The following DLGAP2 variants were observed in gnomAD, a reference collection of about 807,000 sequenced individuals.
DLGAP2 encodes the protein DLG associated protein 2.
A neutral mutation model predicts 100.3 loss-of-function variants in DLGAP2; 26 were observed. The ratio of observed to expected loss-of-function variants is 0.26; its 90% CI spans 0.19 to 0.36. The LOEUF is 0.36. DLGAP2 is among the 10% of genes least tolerant of loss of function. DLGAP2 has a pLI of 1.00. For synonymous variants in DLGAP2, 886 were observed against 630.1 expected (o/e 1.41, Z -6.08); for missense variants, 1,858 against 1,453.2 (o/e 1.28, Z -4.53).
chr8:1,466,241 C>T (rs1798621956), intron 3 of DLGAP2, among the ~76,000 whole-genome samples: 1 of 152,090 alleles, frequency 6.6e-6, no homozygotes, highest in South Asian at 2.1e-4. Flanking sequence ...ACAGAGTGGG[C>T]TTTGCTTTTT....
chr8:1,473,845 C>T (rs994132506), intron 3 of DLGAP2, among the ~76,000 whole-genome samples: 17 of 152,150 alleles, frequency 1.1e-4, no homozygotes, highest in African/African-American at 3.1e-4. Flanking sequence ...TCTTGTCTGC[C>T]ACCATGTAAG....
intron 8 of DLGAP2, among the ~76,000 whole-genome samples, chr8:1,634,580 T>G (rs575823104): frequency 1.3e-5 from 2 of 152,298 alleles, no homozygotes; most frequent in East Asian, 3.9e-4. Context: ...TTGAACAAAT[T>G]AGAATCAGGG....
At chr8:1,039,043 GTTTTCAGCCCCACTTTCCTCC>G (rs1433546382) in intron 2 of DLGAP2, among the ~76,000 whole-genome samples, 1 of 152,182 alleles carries the variant, frequency 6.6e-6, no homozygotes, top group Non-Finnish European at 1.5e-5. Flanking sequence ...CGGAAACTTA[GTTTTCAGCCCCACTTTCCTCC>G]TTTATAAAAT....
At chr8:1,184,363 C>T (rs1249662454) in intron 2 of DLGAP2, among the ~76,000 whole-genome samples, 2 of 152,214 alleles carry the variant, frequency 1.3e-5, no homozygotes, top group African/African-American at 4.8e-5. Flanking sequence ...GTGGGCGCTT[C>T]TGGGGAGCGG....
intron 6 of DLGAP2, among the ~76,000 whole-genome samples, chr8:1,619,390 TGA>T (rs1797257295): frequency 1.3e-5 from 2 of 152,366 alleles, no homozygotes; most frequent in South Asian, 4.1e-4. Context: ...GTCCTACAAG[TGA>T]GACCTGTGCC....
chr8:1,107,186 C>A (rs1026916144), intron 2 of DLGAP2, among the ~76,000 whole-genome samples: 1 of 152,220 alleles, frequency 6.6e-6, no homozygotes, highest in South Asian at 2.1e-4. Context: ...AGAGGCTTTG[C>A]AGTGCACTGG....
chr8:890,700 C>G (rs796141975), intron 1 of DLGAP2, among the ~76,000 whole-genome samples: 2 of 152,066 alleles, frequency 1.3e-5, no homozygotes, highest in African/African-American at 2.4e-5. Context: ...TGTCCAGATG[C>G]AGATTCAATG....
At chr8:1,585,937 T>C (rs1796104975) in intron 6 of DLGAP2, among the ~76,000 whole-genome samples, 1 of 152,216 alleles carries the variant, frequency 6.6e-6, no homozygotes, top group African/African-American at 2.4e-5. Flanking sequence ...TTCGTGTGTG[T>C]ATAAAAATAT....
intron 4 of DLGAP2, among the ~76,000 whole-genome samples, chr8:1,512,318 A>G (rs1800194535): frequency 1.3e-5 from 2 of 152,236 alleles, no homozygotes; most frequent in South Asian, 2.1e-4. Context: ...CCTTGACAAC[A>G]TGATCAAAGT....
chr8:1,242,416 G>T (rs905992241), intron 2 of DLGAP2, among the ~76,000 whole-genome samples: 1 of 152,226 alleles, frequency 6.6e-6, no homozygotes, highest in African/African-American at 2.4e-5. Context: ...GGTCAGCAGC[G>T]AAGGGCTTGG....
intron 1 of DLGAP2, among the ~76,000 whole-genome samples, chr8:887,267 T>C (rs1049896852): frequency 2.0e-5 from 3 of 152,166 alleles, no homozygotes; most frequent in African/African-American, 7.2e-5. Context: ...ACATGTGTCT[T>C]TGCATGTAAG....
At chr8:1,683,952 G>C (rs1176670788) in intron 12 of DLGAP2, among the ~76,000 whole-genome samples, 1 of 20,346 alleles carries the variant, frequency 4.9e-5, no homozygotes. Context: ...ATATATATGT[G>C]TGTATATATA....
intron 2 of DLGAP2, among the ~76,000 whole-genome samples, chr8:1,237,554 GCCGTGTCTAGTTCTCTCACATGGCA>G (rs1585178786): frequency 2.3e-5 from 3 of 127,994 alleles, no homozygotes; most frequent in Non-Finnish European, 3.2e-5. Context: ...CTCACATGGC[GCCGTGTCTAGTTCTCTCACATGGCA>G]CCGTGTCTAG....
At chr8:1,270,674 GTCTC>G (rs1245079904) in intron 3 of DLGAP2, among the ~76,000 whole-genome samples, 3 of 150,436 alleles carry the variant, frequency 2.0e-5, no homozygotes, top group African/African-American at 7.3e-5. Context: ...CTCTGTGTGT[GTCTC>G]TCTATTTATG....
In DLGAP2 at chr8:1,484,101, GC is replaced by G. The variant is rs553142510; in HGVS notation, c.107-17263del. Reference sequence around the variant, plus strand: ...GACAAAGCCGGCTTCCTTCCTGGGAGCCAGCGTGGGCTGAGGAGCTGGTGAG... The same window carrying G: ...GACAAAGCCGGCTTCCTTCCTGGGAGCAGCGTGGGCTGAGGAGCTGGTGAG... On this transcript the variant is annotated intron_variant, in intron 3 of 14. Coordinates refer to ENST00000637795, the MANE Select transcript of DLGAP2 (RefSeq NM_001346810.2). Among the ~76,000 whole-genome samples the G allele has an allele frequency of 4.7e-4, 71 of 152,352 alleles. No homozygotes were observed. The South Asian group carries it at 0.014, about 31-fold the overall frequency.
intron 3 of DLGAP2, among the ~76,000 whole-genome samples, chr8:1,470,324 C>T (rs762510363): frequency 6.6e-6 from 1 of 152,188 alleles, no homozygotes; most frequent in Non-Finnish European, 1.5e-5. Flanking sequence ...ATCCTTCATC[C>T]CTCAGCTGGT....
chr8:1,107,887 C>A (rs994385896), intron 2 of DLGAP2, among the ~76,000 whole-genome samples: 1 of 152,076 alleles, frequency 6.6e-6, no homozygotes, highest in Admixed American at 6.6e-5. Flanking sequence ...TCGGGGAGCA[C>A]GAGAGGGAGC....
At chr8:1,024,165 C>G (rs997539564) in intron 2 of DLGAP2, among the ~76,000 whole-genome samples, 3 of 108,546 alleles carry the variant, frequency 2.8e-5, no homozygotes, top group African/African-American at 5.4e-5. Flanking sequence ...CATCCACCAC[C>G]CACCCTCCCT....
At chr8:826,648 G>C (rs552942737) in intron 1 of DLGAP2, among the ~76,000 whole-genome samples, 21 of 152,124 alleles carry the variant, frequency 1.4e-4, no homozygotes, top group African/African-American at 4.6e-4. Context: ...CTGCAGCCTG[G>C]TGTCTCGAGG....
Sources: allele counts gnomAD v4.1 joint callset (sites outside exome capture counted in the v4.1 genomes callset), GRCh38; gene constraint gnomAD v4.1.1; transcripts MANE v1.5; gene names NCBI Gene and HGNC (gene_info 2026-07-23, HGNC 2026-07-21).